Variants in HSD17B12 observed in about 807,000 individuals in gnomAD.
HSD17B12 encodes hydroxysteroid 17-beta dehydrogenase 12.
Under a neutral mutation model 39.3 loss-of-function variants are expected in HSD17B12, and 32 were observed. That is an observed-to-expected ratio of 0.81 (90% confidence interval 0.61 to 1.09). HSD17B12 has a LOEUF of 1.09. Among genes scored for constraint, HSD17B12 ranks in the 50% least tolerant of loss-of-function variants. The probability of loss-of-function intolerance (pLI) is 0.00; values close to 1 mark genes in which losing one functional copy is unlikely to be tolerated. For synonymous variants in HSD17B12, 150 were observed against 146.7 expected (o/e 1.02, Z -0.16); for missense variants, 342 against 382.9 (o/e 0.89, Z 0.89).
chr11:43,610,250 T>C, the HSD17B12 span, among the ~76,000 whole-genome samples: 5 of 152,292 alleles, frequency 3.3e-5, no homozygotes, highest in East Asian at 9.6e-4. Context: ...CATCACAGGA[T>C]TTTTTAAAAC....
chr11:43,844,389 A>G (rs1590345662), intron 9 of HSD17B12, among the ~76,000 whole-genome samples: 1 of 152,312 alleles, frequency 6.6e-6, no homozygotes, highest in East Asian at 1.9e-4. Flanking sequence ...GAATGCAAAA[A>G]CACAGTAACA....
At chr11:43,568,379 AGGC>A in the HSD17B12 span, among the ~76,000 whole-genome samples, 1 of 151,878 alleles carries the variant, frequency 6.6e-6, no homozygotes, top group Non-Finnish European at 1.5e-5. Context: ...CTAGGATTAC[AGGC>A]GTGAGCCACT....
At chr11:43,560,967 T>C in the HSD17B12 span, among the ~76,000 whole-genome samples, 2 of 152,184 alleles carry the variant, frequency 1.3e-5, no homozygotes, top group East Asian at 1.9e-4. Flanking sequence ...CATTGGGACT[T>C]TCTTCTCCTC....
chr11:43,586,843 T>C, the HSD17B12 span, among the ~76,000 whole-genome samples: 2 of 152,192 alleles, frequency 1.3e-5, no homozygotes, highest in Non-Finnish European at 2.9e-5. Context: ...AAATAAATTA[T>C]TCTGGTGGCC....
Position 43,831,013 on chromosome 11 carries a change from G to A in HSD17B12, c.536+3G>A. 1 of 1,606,344 alleles carries A rather than the reference G, an allele frequency of 6.2e-7. No individual in the cohort carries two copies. Among genetic ancestry groups the A allele is most frequent in the Non-Finnish European group, 8.5e-7 (1 of 1,176,154 alleles). On this transcript the variant is annotated splice_donor_region_variant and intron_variant, in intron 7 of 10. Coordinates refer to ENST00000278353, the MANE Select transcript of HSD17B12 (RefSeq NM_016142.3). The surrounding 1 kb of genome is among the most constrained non-coding windows in gnomAD (Gnocchi z 4.1). ...GTACTGCCTGGCATGGTGGAAAGGT[G>A]AGTCACAAGCTCACATACAAACACT... is the stretch of plus-strand genomic sequence containing the variant.
intron 1 of HSD17B12, chr11:43,719,001 T>C (rs1396911077): frequency 2.0e-5 from 20 of 998,408 alleles, no homozygotes; most frequent in Non-Finnish European, 3.2e-6. Context: ...AAGCACCAGA[T>C]CAAAAAGGCT....
intron 1 of HSD17B12, among the ~76,000 whole-genome samples, chr11:43,740,459 A>G (rs111492763): frequency 0.038 from 5,813 of 152,316 alleles, 360 homozygotes; most frequent in African/African-American, 0.13. Flanking sequence ...TTTAAAGACT[A>G]GAACTTTTGT....
At chr11:43,630,480 T>C in the HSD17B12 span, among the ~76,000 whole-genome samples, 2 of 152,312 alleles carry the variant, frequency 1.3e-5, no homozygotes, top group East Asian at 3.9e-4. Context: ...CCTCTGACTT[T>C]GTAGGGGATA....
intron 3 of HSD17B12, among the ~76,000 whole-genome samples, chr11:43,782,665 ACT>A (rs1316524709): frequency 7.2e-6 from 1 of 139,180 alleles, no homozygotes; most frequent in Non-Finnish European, 1.6e-5. Context: ...GCAGAGAGAG[ACT>A]CTGTCTCAAA....
the HSD17B12 span, among the ~76,000 whole-genome samples, chr11:43,674,661 G>A: frequency 6.6e-6 from 1 of 152,110 alleles, no homozygotes; most frequent in African/African-American, 2.4e-5. Context: ...ATTTTAAATA[G>A]CCCTACACCA....
chr11:43,799,508 G>GA (rs1379057145), intron 4 of HSD17B12, among the ~76,000 whole-genome samples: 2 of 151,572 alleles, frequency 1.3e-5, no homozygotes, highest in Non-Finnish European at 2.9e-5. Context: ...AATTGTATAG[G>GA]AAAAAAAATG....
At chr11:43,742,164 A>T (rs1357798275) in intron 1 of HSD17B12, among the ~76,000 whole-genome samples, 7 of 143,586 alleles carry the variant, frequency 4.9e-5, no homozygotes, top group Non-Finnish European at 6.0e-5. Context: ...TTGAGACAGG[A>T]TCTCACTCTG....
chr11:43,593,496 A>T, the HSD17B12 span, among the ~76,000 whole-genome samples: 1 of 152,212 alleles, frequency 6.6e-6, no homozygotes, highest in Non-Finnish European at 1.5e-5. Flanking sequence ...TTTAAATAAA[A>T]TTTTCATCTC....
chr11:43,825,880 G>A lies in HSD17B12; in HGVS notation c.502-5096G>A, dbSNP rs1374202153. The stretch of plus-strand genomic sequence containing the variant: ...TGCTTTTCACCTCCAAATGAAGCTA[G>A]GTTATAGGATAAATGCCTTATATAC... On this transcript the variant is annotated intron_variant, in intron 6 of 10. Coordinates refer to ENST00000278353, the MANE Select transcript of HSD17B12 (RefSeq NM_016142.3). 2.0e-5 allele frequency among the ~76,000 whole-genome samples: 3 copies of A among 152,192 alleles called. No homozygotes were observed. In the East Asian group the frequency reaches 5.8e-4, roughly 29 times the overall value.
chr11:43,606,371 A>G, the HSD17B12 span, among the ~76,000 whole-genome samples: 4 of 152,346 alleles, frequency 2.6e-5, no homozygotes, highest in East Asian at 7.7e-4. Flanking sequence ...AGGCAGGGCC[A>G]TAGCTAAGGC....
chr11:43,618,288 G>C, the HSD17B12 span, among the ~76,000 whole-genome samples: 1 of 152,146 alleles, frequency 6.6e-6, no homozygotes, highest in African/African-American at 2.4e-5. Context: ...TGAAAGATAC[G>C]TGTCTTCTTC....
intron 6 of HSD17B12, among the ~76,000 whole-genome samples, chr11:43,825,936 A>T (rs1951231486): frequency 1.1e-5 from 1 of 88,028 alleles, no homozygotes; most frequent in East Asian, 4.0e-4. Context: ...TGACAACTTT[A>T]GAAATTATTT....
chr11:43,740,610 G>A (rs1421016625), intron 1 of HSD17B12, among the ~76,000 whole-genome samples: 2 of 152,160 alleles, frequency 1.3e-5, no homozygotes, highest in Non-Finnish European at 2.9e-5. Context: ...TCAACCCTAA[G>A]ATTACTTCAT....
chr11:43,610,598 T>C, the HSD17B12 span, among the ~76,000 whole-genome samples: 1 of 152,158 alleles, frequency 6.6e-6, no homozygotes, highest in Non-Finnish European at 1.5e-5. Flanking sequence ...ATAATGCCTA[T>C]CTCATTGTCA....
Sources: gnomAD v4.1 joint callset for allele counts (sites outside exome capture counted in the v4.1 genomes callset) on GRCh38, gnomAD v4.1.1 for gene constraint, Gnocchi (gnomAD v3.1) non-coding constraint, MANE v1.5 for transcripts, NCBI Gene and HGNC (gene_info 2026-07-23, HGNC 2026-07-21) for gene names.